MAGI1: variants seen among roughly 807,000 people sequenced by gnomAD.
MAGI1 encodes membrane associated guanylate kinase, WW and PDZ domain containing 1.
In MAGI1, 58 loss-of-function variants were observed where a neutral mutation model predicts 139.9. That is an observed-to-expected ratio of 0.41 (90% CI 0.34 to 0.52). The LOEUF (loss-of-function observed/expected upper bound fraction) is 0.52, where lower values mean the gene tolerates loss of function less well. Ranked by LOEUF, MAGI1 falls within the 20% of genes least tolerant of loss-of-function variation. MAGI1 has a pLI of 0.12. For synonymous variants in MAGI1, 812 were observed against 737.9 expected, an observed-to-expected ratio of 1.10 and a Z score of -1.63; for missense variants, 1,874 against 1,901.6, an observed-to-expected ratio of 0.99 and a Z score of 0.27.
chr3:65,388,510 G>T (rs2106958026), intron 14 of MAGI1, among the ~76,000 whole-genome samples: 1 of 152,078 alleles, frequency 6.6e-6, no homozygotes, highest in South Asian at 2.1e-4. Flanking sequence ...CTAAGAGAAT[G>T]GCAGAAACTG....
At chr3:65,666,480 C>T (rs577885900) in intron 1 of MAGI1, among the ~76,000 whole-genome samples, 30 of 152,252 alleles carry the variant, frequency 2.0e-4, no homozygotes, top group African/African-American at 6.5e-4. Context: ...AATTCCAAGG[C>T]AGGTGAGTTT....
chr3:65,377,030 A>G (rs1237833370), intron 17 of MAGI1, among the ~76,000 whole-genome samples: 1 of 152,224 alleles, frequency 6.6e-6, no homozygotes, highest in African/African-American at 2.4e-5. Context: ...TCTGGGGACT[A>G]TGAAGGTAGT....
intron 13 of MAGI1, among the ~76,000 whole-genome samples, chr3:65,395,848 C>A (rs2107050464): frequency 6.6e-6 from 1 of 151,664 alleles, no homozygotes; most frequent in East Asian, 2.0e-4. Context: ...GTTCCAAGAG[C>A]CAACATGTTT....
intron 1 of MAGI1, among the ~76,000 whole-genome samples, chr3:65,639,641 G>T (rs1380762531): frequency 2.0e-5 from 3 of 152,158 alleles, no homozygotes; most frequent in Admixed American, 2.0e-4. Context: ...TCCTTAGTGT[G>T]GGTGGGCCCC....
chr3:65,984,048 C>T (rs1448039626), intron 1 of MAGI1, among the ~76,000 whole-genome samples: 1 of 152,168 alleles, frequency 6.6e-6, no homozygotes, highest in Non-Finnish European at 1.5e-5. Context: ...ATTCCCAACA[C>T]TTTGGGAGGC....
intron 14 of MAGI1, among the ~76,000 whole-genome samples, chr3:65,389,964 C>A (rs755994811): frequency 1.3e-5 from 2 of 152,232 alleles, no homozygotes; most frequent in Non-Finnish European, 2.9e-5. Context: ...TGCTGAGCAT[C>A]ATTCAGTGGA....
chr3:65,634,131 GC>G (rs1258486017), intron 1 of MAGI1, among the ~76,000 whole-genome samples: 1 of 152,108 alleles, frequency 6.6e-6, no homozygotes, highest in Non-Finnish European at 1.5e-5. Flanking sequence ...CTCAGAAGTT[GC>G]CCCATCACCC....
chr3:65,544,565 G>A (rs1192929539), intron 2 of MAGI1, among the ~76,000 whole-genome samples: 1 of 152,126 alleles, frequency 6.6e-6, no homozygotes, highest in African/African-American at 2.4e-5. Flanking sequence ...CAGAAAGAAG[G>A]AAGCAATGCT....
Position 65,571,480 on chromosome 3 carries a change from G to C in MAGI1, c.430+50492C>G, listed in dbSNP as rs574209286. Reference sequence around the variant, plus strand: ...TGAATCCCTAGCTAAAATTTCAGAAGACTAACAAGTCTTACTACTTAATGA... The same window carrying C: ...TGAATCCCTAGCTAAAATTTCAGAACACTAACAAGTCTTACTACTTAATGA... On this transcript the variant is annotated intron_variant, in intron 2 of 22. Coordinates refer to ENST00000402939, the MANE Select transcript of MAGI1 (RefSeq NM_001033057.2). Among the ~76,000 whole-genome samples the C allele has an allele frequency of 1.2e-4, 19 of 152,068 alleles. No individual in the cohort carries two copies. The South Asian group carries it at 3.7e-3, about 30-fold the overall frequency.
intron 5 of MAGI1, among the ~76,000 whole-genome samples, chr3:65,465,104 C>A (rs1291900339): frequency 1.3e-5 from 2 of 149,986 alleles, no homozygotes; most frequent in Non-Finnish European, 1.5e-5. Flanking sequence ...ATTCTTTTAC[C>A]CTCCCTCACT....
chr3:65,603,431 TC>T (rs749953349), intron 2 of MAGI1, among the ~76,000 whole-genome samples: 26 of 152,098 alleles, frequency 1.7e-4, no homozygotes, highest in Non-Finnish European at 3.4e-4. Flanking sequence ...TATATGACAA[TC>T]TACATAATAA....
intron 1 of MAGI1, among the ~76,000 whole-genome samples, chr3:65,813,910 A>G (rs140026673): frequency 6.6e-6 from 1 of 152,218 alleles, no homozygotes; most frequent in Non-Finnish European, 1.5e-5. Flanking sequence ...GGTACCTTGC[A>G]GGAGTAATGA....
intron 12 of MAGI1, among the ~76,000 whole-genome samples, chr3:65,421,810 A>G (rs1349282971): frequency 6.6e-6 from 1 of 152,148 alleles, no homozygotes; most frequent in Non-Finnish European, 1.5e-5. Context: ...AAGCACTTAT[A>G]CTTTACAAGT....
intron 2 of MAGI1, chr3:65,597,841 A>T (rs996902948): frequency 2.2e-6 from 1 of 453,526 alleles, no homozygotes; most frequent in Non-Finnish European, 4.4e-6. Context: ...AATCGCCAAG[A>T]TTAATCCTTC....
chr3:65,735,356 C>CATGTGTGTGTGTGTGTGTGT (rs1553699336), intron 1 of MAGI1, among the ~76,000 whole-genome samples: 9 of 148,180 alleles, frequency 6.1e-5, no homozygotes, highest in African/African-American at 2.3e-4. Flanking sequence ...TGTGTCTGCA[C>CATGTGTGTGTGTGTGTGTGT]GTGTGTGTGT....
intron 1 of MAGI1, among the ~76,000 whole-genome samples, chr3:66,015,239 G>A (rs188850928): frequency 7.9e-4 from 120 of 150,956 alleles, no homozygotes; most frequent in Non-Finnish European, 1.4e-3. Flanking sequence ...TAATACACAC[G>A]TACTAATTGA....
intron 22 of MAGI1, chr3:65,359,216 A>G: frequency 6.3e-7 from 1 of 1,598,980 alleles, no homozygotes; most frequent in Non-Finnish European, 8.5e-7. Context: ...GAAAGAGAAA[A>G]AGTTGAACAT....
intron 1 of MAGI1, among the ~76,000 whole-genome samples, chr3:65,680,613 G>T (rs916034200): frequency 6.6e-6 from 1 of 152,030 alleles, no homozygotes; most frequent in Non-Finnish European, 1.5e-5. Context: ...TAGAGACAAG[G>T]TCTTGCTATG....
intron 1 of MAGI1, among the ~76,000 whole-genome samples, chr3:65,882,940 A>G (rs1462853201): frequency 6.6e-6 from 1 of 151,742 alleles, no homozygotes; most frequent in Non-Finnish European, 1.5e-5. Context: ...GTCTCAAAAA[A>G]AAAAAAAAAA....
Sources: allele counts gnomAD v4.1 joint callset (sites outside exome capture counted in the v4.1 genomes callset), GRCh38; gene constraint gnomAD v4.1.1; transcripts MANE v1.5; gene names NCBI Gene and HGNC (gene_info 2026-07-23, HGNC 2026-07-21).